The following MTRR variants were observed in gnomAD, a reference collection of about 807,000 sequenced individuals.
The protein encoded by MTRR is methionine synthase reductase.
A neutral mutation model predicts 79.2 loss-of-function variants in MTRR; 63 were observed. The ratio of observed to expected loss-of-function variants is 0.80; its 90% CI spans 0.65 to 0.98. MTRR has a LOEUF of 0.98. MTRR is among the 50% of genes least tolerant of loss of function. The pLI, the probability that MTRR is intolerant of heterozygous loss-of-function variation, is 0.00. For synonymous variants in MTRR, 355 were observed against 313.3 expected (o/e 1.13, Z -1.41); for missense variants, 895 against 839.6 (o/e 1.07, Z -0.82).
At chr5:7,867,727 T>C (rs1274325085), upstream of MTRR, 1 of 1,614,236 alleles carries the variant, frequency 6.2e-7, no homozygotes, top group Admixed American at 1.7e-5. Context: ...CCATCGTGCT[T>C]ATAAAACTTA....
chr5:7,876,072 A>G, intron 4 of MTRR, among the ~76,000 whole-genome samples: 1 of 152,186 alleles, frequency 6.6e-6, no homozygotes, highest in East Asian at 1.9e-4. Context: ...TAGTAGGTCC[A>G]TGTGTTAATT....
intron 1 of MTRR, chr5:7,870,221 C>A: frequency 4.0e-6 from 1 of 250,046 alleles, no homozygotes; most frequent in Non-Finnish European, 6.5e-6. Context: ...AGAGTATGTG[C>A]TTCAGTTACC....
chr5:7,868,075 T>A (rs3733782), upstream of MTRR: 946 of 1,599,576 alleles, frequency 5.9e-4, 12 homozygotes, highest in East Asian at 0.02. Context: ...TCAAGGTGAT[T>A]AATGCCATAC....
chr5:7,868,955 C>T (rs762525952), upstream of MTRR: 3 of 730,344 alleles, frequency 4.1e-6, no homozygotes, highest in African/African-American at 3.5e-5. Flanking sequence ...ACCAACTGCG[C>T]GGAGACCCCG....
intron 1 of MTRR, chr5:7,861,579 G>T (rs1364160208): frequency 5.1e-6 from 8 of 1,573,750 alleles, no homozygotes; most frequent in Non-Finnish European, 6.0e-6. Flanking sequence ...ACATTTTCCT[G>T]TACCTTTTAT....
Position 7,899,967 on chromosome 5 carries a change from G to T in MTRR, c.2006G>T (p.Ser669Ile). ...DVHDALVQII[S>I]KEVGVEKLEA... ...CATGATGCCCTTGTGCAAATAATAAGCAAAGAGGTTGGAGTTGAAAAACTA... is the reference window on the plus strand; with the variant it reads ...CATGATGCCCTTGTGCAAATAATAATCAAAGAGGTTGGAGTTGAAAAACTA... Residue 669 changes from serine (S) to isoleucine (I), a missense_variant, in exon 15 of 15, where the codon AGC becomes ATC. Physicochemically the swap from Ser to Ile is moderately radical, Grantham distance 142 (BLOSUM62 -2). Transcript: ENST00000440940. The T allele has an allele frequency of 6.2e-7, 1 of 1,614,138 alleles. No homozygotes were observed. The highest frequency in any genetic ancestry group is 8.5e-7 in the Non-Finnish European group (1 of 1,180,014).
chr5:7,894,750 G>C (rs1579807520), intron 11 of MTRR, among the ~76,000 whole-genome samples: 1 of 152,266 alleles, frequency 6.6e-6, no homozygotes, highest in Non-Finnish European at 1.5e-5. Flanking sequence ...TCATTCTGTG[G>C]ATATATGTGA....
chr5:7,892,706 C>G (rs762301854), intron 10 of MTRR, 21 bp from the exon 11 acceptor site: 1 of 1,613,914 alleles, frequency 6.2e-7, no homozygotes, highest in East Asian at 2.2e-5. Flanking sequence ...GAGTTCAAAA[C>G]TTGTCTGTGT....
chr5:7,883,401 G>T (rs372235626), intron 6 of MTRR, 124 bp downstream of exon 6: 18,860 of 1,262,302 alleles, frequency 0.015, 619 homozygotes, highest in East Asian at 0.12. Context: ...AGTTGTGTGC[G>T]GCTTGGTTAC....
chr5:7,871,714 T>C (rs1579604314), intron 2 of MTRR, among the ~76,000 whole-genome samples: 1 of 152,308 alleles, frequency 6.6e-6, no homozygotes, highest in East Asian at 1.9e-4. Flanking sequence ...AAGTGAATTA[T>C]AAACCCAGCT....
chr5:7,884,571 G>T (rs918622272), intron 6 of MTRR, among the ~76,000 whole-genome samples: 8 of 152,116 alleles, frequency 5.3e-5, no homozygotes, highest in Admixed American at 5.2e-4. Context: ...TCTGAGGGTG[G>T]AGAACCTGAG....
chr5:7,856,452 T>G (rs995066535), intron 1 of MTRR, among the ~76,000 whole-genome samples: 1 of 152,196 alleles, frequency 6.6e-6, no homozygotes, highest in Non-Finnish European at 1.5e-5. Context: ...ATTCCTTACA[T>G]GACCCTTCAC....
At chr5:7,892,601 T>G in intron 10 of MTRR, 126 bp from the exon 11 acceptor site, 1 of 1,030,016 alleles carries the variant, frequency 9.7e-7, no homozygotes, top group African/African-American at 1.6e-5. Context: ...CTTTCCTCTG[T>G]GAGGATTTGG....
At chr5:7,851,068 C>T (rs161874), upstream of MTRR, 8 of 1,235,008 alleles carry the variant, frequency 6.5e-6, no homozygotes, top group African/African-American at 1.1e-4. Flanking sequence ...CCGTCCCGCC[C>T]GCCCAGGGGC....
chr5:7,851,143 C>G, upstream of MTRR: 2 of 1,178,810 alleles, frequency 1.7e-6, no homozygotes, highest in Non-Finnish European at 2.1e-6. Flanking sequence ...TGTGTTCGGT[C>G]GTTGCCTGGA....
upstream of MTRR, chr5:7,868,008 T>C (rs765139932): frequency 6.2e-7 from 1 of 1,614,060 alleles, no homozygotes; most frequent in Non-Finnish European, 8.5e-7. Flanking sequence ...GGTTTATTTT[T>C]TAAAGCAGCC....
chr5:7,870,153 C>T, intron 1 of MTRR: 1 of 798,684 alleles, frequency 1.3e-6, no homozygotes, highest in Non-Finnish European at 1.5e-6. Context: ...TTATATGCAC[C>T]CGTTTGTATA....
chr5:7,877,898 A>G lies in MTRR; in HGVS notation c.402-46A>G, dbSNP rs768391025. 7 of 1,604,444 alleles carry G rather than the reference A, an allele frequency of 4.4e-6. No individual in the cohort carries two copies. In the South Asian group the frequency reaches 7.7e-5, roughly 18 times the overall value. On this transcript the variant is annotated intron_variant, in intron 4 of 14. Coordinates refer to ENST00000440940, the MANE Select transcript of MTRR (RefSeq NM_002454.3). ...ATTATCCTGTTCTGTGTTCAGATGG[A>G]GAACTTAGGCATTTGTTTTGTTTTT...
At chr5:7,858,921 A>C (rs1322327887) in intron 1 of MTRR, among the ~76,000 whole-genome samples, 4 of 152,140 alleles carry the variant, frequency 2.6e-5, no homozygotes, top group Non-Finnish European at 5.9e-5. Context: ...TTCTCTAAAT[A>C]TTTATTAAAA....
Sources: allele counts gnomAD v4.1 joint callset (sites outside exome capture counted in the v4.1 genomes callset), GRCh38; gene constraint gnomAD v4.1.1; transcripts MANE v1.5; gene names NCBI Gene and HGNC (gene_info 2026-07-23, HGNC 2026-07-21).